The following FLNB variants were observed in gnomAD, a reference collection of about 807,000 sequenced individuals.
FLNB encodes the protein filamin-B.
In FLNB, 111 loss-of-function variants were observed where a neutral mutation model predicts 250.6. The ratio of observed to expected loss-of-function variants is 0.44; its 90% CI spans 0.38 to 0.52. The LOEUF is 0.52. Ranked by LOEUF, FLNB falls within the 20% of genes least tolerant of loss-of-function variation. The pLI, the probability that FLNB is intolerant of heterozygous loss-of-function variation, is 0.00. For synonymous variants in FLNB, 1,302 were observed against 1,372.1 expected (o/e 0.95, Z 1.13); for missense variants, 2,869 against 3,447.8 (o/e 0.83, Z 4.20).
chr3:58,157,057 GC>G (rs2097354505), intron 41 of FLNB, among the ~76,000 whole-genome samples: 1 of 152,184 alleles, frequency 6.6e-6, no homozygotes, highest in Admixed American at 6.5e-5. Context: ...GCACACGGTT[GC>G]ATAGTCCATC....
intron 1 of FLNB, among the ~76,000 whole-genome samples, chr3:58,068,097 G>T (rs548014647): frequency 1.3e-5 from 2 of 152,214 alleles, no homozygotes; most frequent in Non-Finnish European, 2.9e-5. Context: ...CATGCCCACT[G>T]TTCAGGTCCT....
chr3:58,034,215 T>C (rs1311511695), intron 1 of FLNB, among the ~76,000 whole-genome samples: 2 of 152,152 alleles, frequency 1.3e-5, no homozygotes, highest in African/African-American at 4.8e-5. Context: ...TTTGTATGGA[T>C]GTATATTTCT....
chr3:58,065,138 C>A (rs1477527812), intron 1 of FLNB, among the ~76,000 whole-genome samples: 1 of 152,174 alleles, frequency 6.6e-6, no homozygotes, highest in Non-Finnish European at 1.5e-5. Context: ...CTTCTGTGCC[C>A]TGTGTTTATA....
rs745493076 is a variant in FLNB at position 58,008,846 on chromosome 3, C to G, written c.282C>G (p.Leu94=). 6.2e-7 allele frequency: 1 copy of G among 1,613,692 alleles called. No individual in the cohort carries two copies. Among genetic ancestry groups the G allele is most frequent in the Non-Finnish European group, 8.5e-7 (1 of 1,179,998 alleles). ...TCCTGGACCGTGAGAGCATCAAGCT[C>G]GTGTCCATCGGTGAGTTCTCTGGCC... ...LEFLDRESIK[L]VSIDSKAIVD... The change falls in exon 1 of 46, where the codon CTC becomes CTG. Residue 94 remains leucine, a synonymous_variant. Coordinates refer to ENST00000295956, the MANE Select transcript of FLNB (RefSeq NM_001457.4).
At chr3:58,149,809 A>C in intron 36 of FLNB, 41 bp from the exon 37 acceptor site, 1 of 1,613,664 alleles carries the variant, frequency 6.2e-7, no homozygotes, top group South Asian at 1.1e-5. Context: ...CCTCTTCCTG[A>C]GGAGCTGCTG....
chr3:58,109,256 G>A lies in FLNB; in HGVS notation c.2133G>A (p.Val711=), dbSNP rs2097264584. The A allele has an allele frequency of 6.2e-7, 1 of 1,614,246 alleles. No homozygotes were observed. The highest frequency in any genetic ancestry group is 8.5e-7 in the Non-Finnish European group (1 of 1,180,040). ...DGTYACSYTP[V]KAIKHTIAVV... ...CATATGCATGCTCATACACCCCGGT[G>A]AAGGCCATCAAGCACACCATTGCTG... The change falls in exon 14 of 46, where the codon GTG becomes GTA. Residue 711 remains valine, a synonymous_variant. Coordinates refer to ENST00000295956, the MANE Select transcript of FLNB (RefSeq NM_001457.4).
intron 1 of FLNB, among the ~76,000 whole-genome samples, chr3:58,009,110 G>T (rs2106657377): frequency 6.6e-6 from 1 of 152,330 alleles, no homozygotes; most frequent in East Asian, 1.9e-4. Context: ...GAGGGTTTGG[G>T]CTGGGGTCAC....
chr3:58,042,345 GTTT>G (rs541022128), intron 1 of FLNB, among the ~76,000 whole-genome samples: 3 of 130,506 alleles, frequency 2.3e-5, no homozygotes, highest in Non-Finnish European at 3.2e-5. Context: ...GTCTCTGTAG[GTTT>G]TTTTTTTTTT....
chr3:58,166,914 T>G (rs2097371631), intron 43 of FLNB, among the ~76,000 whole-genome samples: 1 of 151,764 alleles, frequency 6.6e-6, no homozygotes, highest in Non-Finnish European at 1.5e-5. Context: ...TCACTTGAGG[T>G]CAGGAGCTCA....
intron 29 of FLNB, among the ~76,000 whole-genome samples, chr3:58,140,244 G>T (rs9875647): frequency 0.29 from 43,964 of 152,112 alleles, 7,223 homozygotes; most frequent in Non-Finnish European, 0.38. Flanking sequence ...CCACAGGGTG[G>T]TTTCTTCAAA....
At chr3:58,096,974 T>A (rs13067161) in intron 6 of FLNB, among the ~76,000 whole-genome samples, 4,653 of 152,252 alleles carry the variant, frequency 0.031, 110 homozygotes, top group Non-Finnish European at 0.046. Flanking sequence ...AGGCTCTTTG[T>A]CTTGGCAGCC....
intron 4 of FLNB, among the ~76,000 whole-genome samples, chr3:58,087,477 G>C (rs1452670299): frequency 6.6e-6 from 1 of 151,526 alleles, no homozygotes; most frequent in Non-Finnish European, 1.5e-5. Context: ...TTTTTGAGAC[G>C]GAGTCTCACT....
At position 58,141,774 on chromosome 3, in the gene FLNB, G is replaced by A. The variant is rs2097327508; in HGVS notation, c.5110-84G>A. The A allele has an allele frequency of 3.9e-6, 5 of 1,268,838 alleles. No homozygotes were observed. The Middle Eastern group carries it at 5.6e-4, about 141-fold the overall frequency. The allele number at this position is 1,268,838 out of a possible 1,614,324, so 78.6% of individuals were successfully genotyped here. ...TCACTGCAGTTCAAGATGGAGCAGT[G>A]GGGGAAGCAGCTCTGTGGTGGTAGT... On this transcript the variant is annotated intron_variant, in intron 29 of 45. Transcript: ENST00000295956.
At chr3:58,143,718 G>A in intron 32 of FLNB, 105 bp downstream of exon 32, 1 of 1,404,402 alleles carries the variant, frequency 7.1e-7, no homozygotes, top group East Asian at 2.3e-5. Flanking sequence ...TCGGCAGCAG[G>A]CTGGAGAATG....
chr3:58,106,583 T>G, intron 11 of FLNB, 97 bp from the exon 12 acceptor site: 1 of 1,157,272 alleles, frequency 8.6e-7, no homozygotes, highest in South Asian at 1.3e-5. Flanking sequence ...TGGCCAACAC[T>G]TGGCTTTTAG....
At chr3:58,115,559 TC>T in intron 18 of FLNB, among the ~76,000 whole-genome samples, 1 of 152,296 alleles carries the variant, frequency 6.6e-6, no homozygotes, top group African/African-American at 2.4e-5. Flanking sequence ...TCCGGTTTTG[TC>T]CCCTTTGAAG....
At chr3:58,129,803 C>G (rs1449135362) in intron 24 of FLNB, among the ~76,000 whole-genome samples, 1 of 152,202 alleles carries the variant, frequency 6.6e-6, no homozygotes, top group Non-Finnish European at 1.5e-5. Flanking sequence ...GTGCACGTAG[C>G]CCCTTGGTGA....
intron 24 of FLNB, among the ~76,000 whole-genome samples, chr3:58,128,380 C>A (rs1335893807): frequency 2.0e-5 from 3 of 152,214 alleles, no homozygotes; most frequent in African/African-American, 4.8e-5. Context: ...CAAACTTGTG[C>A]TTGCGGCTCA....
At chr3:58,041,936 CTT>C (rs1433203713) in intron 1 of FLNB, among the ~76,000 whole-genome samples, 1 of 152,150 alleles carries the variant, frequency 6.6e-6, no homozygotes, top group Non-Finnish European at 1.5e-5. Flanking sequence ...CAAGTGCCCT[CTT>C]TGCTTTCTTT....
Sources: gnomAD v4.1 joint callset for allele counts (sites outside exome capture counted in the v4.1 genomes callset) on GRCh38, gnomAD v4.1.1 for gene constraint, MANE v1.5 for transcripts, NCBI Gene and HGNC (gene_info 2026-07-23, HGNC 2026-07-21) for gene names.